ADGRL3: variants seen among roughly 807,000 people sequenced by gnomAD.
The protein encoded by ADGRL3 is calcium-independent alpha-latrotoxin receptor 3.
A neutral mutation model predicts 153.5 loss-of-function variants in ADGRL3; 62 were observed. That is an observed-to-expected ratio of 0.40 (90% CI 0.33 to 0.50). The LOEUF is 0.50. Among genes scored for constraint, ADGRL3 ranks in the 20% least tolerant of loss-of-function variants. The pLI is 0.47. For synonymous variants in ADGRL3, 710 were observed against 672.5 expected (o/e 1.06, Z -0.86); for missense variants, 1,641 against 1,859.4 (o/e 0.88, Z 2.16).
chr4:61,958,995 A>T (rs1237751982), intron 17 of ADGRL3, among the ~76,000 whole-genome samples: 1 of 152,200 alleles, frequency 6.6e-6, no homozygotes, highest in Admixed American at 6.5e-5. Context: ...CTTCTCTTTT[A>T]GACCCAAAAG....
chr4:61,444,680 TTGTTA>T (rs1392333099), intron 2 of ADGRL3, among the ~76,000 whole-genome samples: 1 of 152,164 alleles, frequency 6.6e-6, no homozygotes. Flanking sequence ...GAATTACTTA[TTGTTA>T]TGAGGTATTT....
chr4:61,779,805 T>C (rs1014623458), intron 8 of ADGRL3, among the ~76,000 whole-genome samples: 2 of 152,152 alleles, frequency 1.3e-5, no homozygotes, highest in Non-Finnish European at 2.9e-5. Flanking sequence ...TTTATGTAGA[T>C]GTTTCTGAAT....
chr4:61,397,666 A>G (rs1381874223), intron 2 of ADGRL3, among the ~76,000 whole-genome samples: 1 of 151,880 alleles, frequency 6.6e-6, no homozygotes, highest in African/African-American at 2.4e-5. Flanking sequence ...ATTGCTTCAT[A>G]TGAATACCTC....
chr4:62,046,535 T>C (rs550308925), intron 25 of ADGRL3, among the ~76,000 whole-genome samples: 67 of 152,100 alleles, frequency 4.4e-4, no homozygotes, highest in Non-Finnish European at 9.1e-4. Context: ...CGGTCATATG[T>C]TTAAGTCTGT....
intron 8 of ADGRL3, among the ~76,000 whole-genome samples, chr4:61,765,585 G>T (rs918798286): frequency 6.6e-6 from 1 of 152,006 alleles, no homozygotes; most frequent in Non-Finnish European, 1.5e-5. Flanking sequence ...ATAAAGGCTC[G>T]TCTGTTATCA....
intron 8 of ADGRL3, among the ~76,000 whole-genome samples, chr4:61,784,707 A>T (rs948539889): frequency 2.0e-5 from 3 of 152,122 alleles, no homozygotes; most frequent in African/African-American, 7.2e-5. Flanking sequence ...CCTGGGTATC[A>T]GCTTTTAGGA....
chr4:62,070,273 A>T lies in ADGRL3; in HGVS notation c.3997A>T (p.Ile1333Phe). The part of the protein sequence containing the change: ...NHNETALEKK[I>F]LKELTSNYIP... ...TAACGAGACCGCCCTAGAGAAAAAG[A>T]TTCTGAAGGAACTCACTTCCAACTA... Residue 1333 changes from isoleucine to phenylalanine, a missense_variant, in exon 27 of 27, where the codon ATT becomes TTT. Physicochemically the swap from Ile to Phe is conservative, Grantham distance 21. Around this residue, in one of 5 missense-constraint regions of ADGRL3, gnomAD observed 517 missense variants for 555.0 expected, o/e 0.93. Coordinates refer to ENST00000683033, the MANE Select transcript of ADGRL3 (RefSeq NM_001387552.1). 1 of 1,594,986 alleles carries T rather than the reference A, an allele frequency of 6.3e-7. No homozygotes were observed. The highest frequency in any genetic ancestry group is 1.1e-5 in the South Asian group (1 of 89,224).
At chr4:62,006,560 G>A (rs932879836) in intron 21 of ADGRL3, among the ~76,000 whole-genome samples, 1 of 150,234 alleles carries the variant, frequency 6.7e-6, no homozygotes, top group African/African-American at 2.5e-5. Flanking sequence ...ATACAATTTG[G>A]AATCATCAAT....
At chr4:61,643,612 A>G (rs1580039475) in intron 5 of ADGRL3, among the ~76,000 whole-genome samples, 1 of 146,948 alleles carries the variant, frequency 6.8e-6, no homozygotes, top group East Asian at 2.1e-4. Context: ...CGTATATTGA[A>G]CCAGCCTTGC....
chr4:62,037,914 C>G, intron 24 of ADGRL3, 58 bp downstream of exon 24: 1 of 1,591,930 alleles, frequency 6.3e-7, no homozygotes, highest in African/African-American at 1.3e-5. Context: ...GTTACTGTCC[C>G]TTATGATTGG....
chr4:61,927,901 A>T (rs908983993), intron 13 of ADGRL3, among the ~76,000 whole-genome samples: 1 of 150,910 alleles, frequency 6.6e-6, no homozygotes, highest in African/African-American at 2.4e-5. Context: ...TCATCTGTCT[A>T]TCTATCTATC....
chr4:61,432,885 T>G (rs796626012), intron 2 of ADGRL3, among the ~76,000 whole-genome samples: 10 of 151,944 alleles, frequency 6.6e-5, no homozygotes, highest in African/African-American at 2.4e-4. Flanking sequence ...ACTCCTGACC[T>G]CAGTTGATCC....
intron 8 of ADGRL3, among the ~76,000 whole-genome samples, chr4:61,809,819 A>G (rs961518517): frequency 6.6e-6 from 1 of 152,002 alleles, no homozygotes; most frequent in South Asian, 2.1e-4. Flanking sequence ...TAGTAATAAT[A>G]ACAGCTAAAA....
At chr4:61,601,255 A>G (rs140392599) in intron 5 of ADGRL3, among the ~76,000 whole-genome samples, 2 of 152,332 alleles carry the variant, frequency 1.3e-5, no homozygotes, top group East Asian at 3.9e-4. Flanking sequence ...GTTTCCTTTC[A>G]AATCACACAG....
intron 1 of ADGRL3, among the ~76,000 whole-genome samples, chr4:61,367,092 AAAAGTT>A (rs2096411711): frequency 6.6e-6 from 1 of 152,230 alleles, no homozygotes. Flanking sequence ...TAATAGAAGT[AAAAGTT>A]AAAGTAGCAC....
intron 9 of ADGRL3, among the ~76,000 whole-genome samples, chr4:61,875,496 T>C (rs1383383243): frequency 6.6e-6 from 1 of 152,228 alleles, no homozygotes; most frequent in Non-Finnish European, 1.5e-5. Flanking sequence ...TATTATACTT[T>C]TAGTATAAGC....
In ADGRL3 at chr4:61,877,834, G is replaced by T. The variant is rs377652591; in HGVS notation, c.1481-14822G>T. On this transcript the variant is annotated intron_variant, in intron 9 of 26. Coordinates refer to ENST00000683033, the MANE Select transcript of ADGRL3 (RefSeq NM_001387552.1). ...ATATCAGGGGAGGGACCTGGTACAT[G>T]ACCATTAACTTGGGAGGTGATTGGA... Among the ~76,000 whole-genome samples the T allele has an allele frequency of 5.3e-5, 8 of 152,254 alleles. No individual in the cohort carries two copies. The South Asian group carries it at 1.5e-3, about 28-fold the overall frequency.
At chr4:61,599,385 G>A (rs781250577) in intron 5 of ADGRL3, among the ~76,000 whole-genome samples, 4 of 152,164 alleles carry the variant, frequency 2.6e-5, no homozygotes, top group Non-Finnish European at 5.9e-5. Context: ...TGCCACCCAG[G>A]CTGGAGTGCA....
At chr4:61,663,707 A>G (rs540382656) in intron 5 of ADGRL3, among the ~76,000 whole-genome samples, 6 of 152,344 alleles carry the variant, frequency 3.9e-5, no homozygotes, top group African/African-American at 1.4e-4. Context: ...CTCCTGTGAC[A>G]ATAACAAATT....
Sources: allele counts gnomAD v4.1 joint callset (sites outside exome capture counted in the v4.1 genomes callset), GRCh38; gene constraint gnomAD v4.1.1; regional missense constraint gnomAD v4.1.1; transcripts MANE v1.5; gene names NCBI Gene and HGNC (gene_info 2026-07-23, HGNC 2026-07-21).